DSCAML1: variants seen among roughly 807,000 people sequenced by gnomAD.
DSCAML1 encodes the protein DS cell adhesion molecule like 1.
A neutral mutation model predicts 200.5 loss-of-function variants in DSCAML1; 38 were observed. The ratio of observed to expected loss-of-function variants is 0.19; its 90% CI spans 0.15 to 0.25. The LOEUF (loss-of-function observed/expected upper bound fraction) is 0.25, where lower values mean the gene tolerates loss of function less well. Among genes scored for constraint, DSCAML1 ranks in the 10% least tolerant of loss-of-function variants. The pLI is 1.00. For missense variants in DSCAML1, 2,223 were observed against 2,858.8 expected (o/e 0.78, Z 5.07); for synonymous variants, 1,215 against 1,165.0 (o/e 1.04, Z -0.87).
intron 3 of DSCAML1, among the ~76,000 whole-genome samples, chr11:117,669,240 T>C (rs911766723): frequency 1.8e-4 from 27 of 152,108 alleles, no homozygotes; most frequent in East Asian, 5.8e-4. Flanking sequence ...AAGTCCTCCA[T>C]TGAAGGGCAG....
chr11:117,548,946 TATACAC>T (rs549705523), intron 3 of DSCAML1, among the ~76,000 whole-genome samples: 38 of 152,214 alleles, frequency 2.5e-4, no homozygotes, highest in Admixed American at 2.2e-3. Context: ...ATGGGGTGCT[TATACAC>T]AGACAAGGAG....
chr11:117,586,916 C>T (rs2051155308), intron 3 of DSCAML1, among the ~76,000 whole-genome samples: 1 of 152,222 alleles, frequency 6.6e-6, no homozygotes, highest in East Asian at 1.9e-4. Context: ...GCCAAGTTGG[C>T]TTTTCTGGAG....
At chr11:117,758,216 C>A (rs1033975264) in intron 3 of DSCAML1, among the ~76,000 whole-genome samples, 12 of 151,128 alleles carry the variant, frequency 7.9e-5, no homozygotes, top group Admixed American at 2.6e-4. Context: ...CAAATAATTG[C>A]TTGAACGTGG....
At chr11:117,657,045 C>T (rs914907569) in intron 3 of DSCAML1, among the ~76,000 whole-genome samples, 4 of 152,186 alleles carry the variant, frequency 2.6e-5, no homozygotes, top group South Asian at 2.1e-4. Context: ...TAAAACCCAT[C>T]GGCTCTAAGG....
intron 3 of DSCAML1, among the ~76,000 whole-genome samples, chr11:117,667,540 G>A (rs1218198799): frequency 1.3e-5 from 2 of 152,208 alleles, no homozygotes; most frequent in Non-Finnish European, 2.9e-5. Context: ...GGGCACTGAA[G>A]AGCCAGCCCA....
intron 1 of DSCAML1, among the ~76,000 whole-genome samples, chr11:117,788,082 C>G (rs2055393638): frequency 6.6e-6 from 1 of 152,210 alleles, no homozygotes; most frequent in African/African-American, 2.4e-5. Context: ...ATCTTGGAAA[C>G]TGTCTGAGCC....
intron 1 of DSCAML1, among the ~76,000 whole-genome samples, chr11:117,784,469 C>A (rs2055315572): frequency 1.3e-5 from 2 of 152,134 alleles, no homozygotes; most frequent in Non-Finnish European, 2.9e-5. Flanking sequence ...AGACTGGGCA[C>A]ATGGGCAGCA....
At chr11:117,719,056 G>A (rs906347864) in intron 3 of DSCAML1, among the ~76,000 whole-genome samples, 2 of 152,228 alleles carry the variant, frequency 1.3e-5, no homozygotes, top group Admixed American at 1.3e-4. Flanking sequence ...TGTTCTAGGC[G>A]GTGTGCTAAG....
chr11:117,817,213 C>T (rs1284558782), intron 1 of DSCAML1, among the ~76,000 whole-genome samples: 1 of 152,220 alleles, frequency 6.6e-6, no homozygotes, highest in African/African-American at 2.4e-5. Context: ...GACCCTGCAA[C>T]CCCATTGCCC....
chr11:117,749,201 C>T (rs2054563655), intron 3 of DSCAML1, among the ~76,000 whole-genome samples: 1 of 152,224 alleles, frequency 6.6e-6, no homozygotes, highest in Non-Finnish European at 1.5e-5. Flanking sequence ...CCAGACGGGG[C>T]TTGAGCCGGG....
At position 117,521,294 on chromosome 11, in the gene DSCAML1, C is replaced by T. The variant is rs200932029; in HGVS notation, c.1049G>A (p.Arg350His). The T allele has an allele frequency of 7.4e-6, 12 of 1,614,176 alleles. No individual in the cohort carries two copies. The highest frequency in any genetic ancestry group is 4.5e-5 in the East Asian group (2 of 44,882). The stretch of plus-strand genomic sequence containing the variant: ...GTCAGGCAGCACCAGCTCCGTGTTG[C>T]GATACCAGCGGATGGTGAACTCTGG... ...GSPEFTIRWY[R>H]NTELVLPDEA... Residue 350 changes from arginine (R) to histidine (H), a missense_variant, in exon 6 of 33, where the codon CGC (arginine) becomes CAC (histidine). Transcript: ENST00000651296.
chr11:117,689,355 G>T (rs141563059), intron 3 of DSCAML1, among the ~76,000 whole-genome samples: 1 of 152,218 alleles, frequency 6.6e-6, no homozygotes, highest in Non-Finnish European at 1.5e-5. Flanking sequence ...GGTCAGAAAT[G>T]CAAAATTTCA....
At chr11:117,607,786 G>C (rs964595643) in intron 3 of DSCAML1, among the ~76,000 whole-genome samples, 3 of 152,232 alleles carry the variant, frequency 2.0e-5, no homozygotes, top group African/African-American at 7.2e-5. Flanking sequence ...AGAGGGGCCT[G>C]TTCCCAACGC....
chr11:117,519,942 C>T (rs1179154375), intron 6 of DSCAML1, among the ~76,000 whole-genome samples: 1 of 152,188 alleles, frequency 6.6e-6, no homozygotes, highest in Non-Finnish European at 1.5e-5. Flanking sequence ...CAGGCTGTGA[C>T]GAGGACACCT....
At chr11:117,775,275 C>T (rs140330555) in intron 3 of DSCAML1, among the ~76,000 whole-genome samples, 11 of 152,298 alleles carry the variant, frequency 7.2e-5, no homozygotes, top group Admixed American at 2.0e-4. Context: ...CTGCAGGACC[C>T]CACACAGCCA....
intron 6 of DSCAML1, 82 bp downstream of exon 6, chr11:117,521,048 C>T: frequency 6.4e-7 from 1 of 1,551,960 alleles, no homozygotes; most frequent in East Asian, 2.3e-5. Flanking sequence ...TGCCTCCTGG[C>T]ATTGCTCCCA....
intron 3 of DSCAML1, among the ~76,000 whole-genome samples, chr11:117,733,585 G>A (rs968709177): frequency 3.3e-5 from 5 of 152,196 alleles, no homozygotes; most frequent in African/African-American, 4.8e-5. Flanking sequence ...GCGGTCCCTC[G>A]ACACGGCAAG....
intron 3 of DSCAML1, chr11:117,611,472 T>C (rs990508547): frequency 3.9e-5 from 6 of 152,222 alleles, no homozygotes; most frequent in Admixed American, 2.0e-4. Flanking sequence ...ATGAGAACCA[T>C]GTCTGTTTCT....
chr11:117,474,056 C>T (rs935595498), intron 14 of DSCAML1, among the ~76,000 whole-genome samples: 11 of 152,158 alleles, frequency 7.2e-5, no homozygotes, highest in Admixed American at 3.9e-4. Flanking sequence ...AGGGAGGAGA[C>T]TGGGGCGGTG....
Sources: allele counts gnomAD v4.1 joint callset (sites outside exome capture counted in the v4.1 genomes callset), GRCh38; gene constraint gnomAD v4.1.1; transcripts MANE v1.5; gene names NCBI Gene and HGNC (gene_info 2026-07-23, HGNC 2026-07-21).